SAMD12: variants seen among roughly 807,000 people sequenced by gnomAD.
SAMD12 encodes the protein sterile alpha motif domain containing 12.
In SAMD12, 9 loss-of-function variants were observed where a neutral mutation model predicts 15.0. The ratio of observed to expected loss-of-function variants is 0.60; its 90% CI spans 0.36 to 1.05. The LOEUF (loss-of-function observed/expected upper bound fraction) is 1.05, where lower values mean the gene tolerates loss of function less well. Among genes scored for constraint, SAMD12 ranks in the 50% least tolerant of loss-of-function variants. The probability of loss-of-function intolerance (pLI) is 0.01; values close to 1 mark genes in which losing one functional copy is unlikely to be tolerated. For missense variants in SAMD12, 230 were observed against 234.2 expected (o/e 0.98, Z 0.12); for synonymous variants, 86 against 90.1 (o/e 0.96, Z 0.25).
At chr8:118,294,600 T>TGGTGG (rs766800868) in intron 4 of SAMD12, among the ~76,000 whole-genome samples, 26 of 152,066 alleles carry the variant, frequency 1.7e-4, no homozygotes, top group Non-Finnish European at 3.1e-4. Flanking sequence ...AGGGACTGAG[T>TGGTGG]GGTGGGATAA....
chr8:118,279,738 C>A (rs1198959262), intron 4 of SAMD12, among the ~76,000 whole-genome samples: 1 of 152,156 alleles, frequency 6.6e-6, no homozygotes, highest in African/African-American at 2.4e-5. Flanking sequence ...ATGTTATAAT[C>A]TGGACATGCA....
At chr8:118,578,011 G>A (rs575697827) in intron 2 of SAMD12, among the ~76,000 whole-genome samples, 18 of 152,208 alleles carry the variant, frequency 1.2e-4, no homozygotes, top group South Asian at 6.2e-4. Flanking sequence ...AGTTTTCTCC[G>A]TAATTTTAAC....
intron 2 of SAMD12, among the ~76,000 whole-genome samples, chr8:118,511,046 CT>C (rs1197446243): frequency 2.0e-5 from 3 of 152,126 alleles, no homozygotes; most frequent in African/African-American, 7.2e-5. Flanking sequence ...AAAGAACCTC[CT>C]GGAATTCAAA....
intron 4 of SAMD12, among the ~76,000 whole-genome samples, chr8:118,218,080 GT>G (rs1289094019): frequency 6.6e-6 from 1 of 152,068 alleles, no homozygotes; most frequent in African/African-American, 2.4e-5. Flanking sequence ...CAACACCCAA[GT>G]TGGTCTGTAC....
At chr8:118,452,157 CA>C (rs35286607) in intron 2 of SAMD12, among the ~76,000 whole-genome samples, 29,396 of 152,034 alleles carry the variant, frequency 0.19, 4,010 homozygotes, top group African/African-American at 0.39. Context: ...AATCAAACCA[CA>C]TCGGCACCAT....
intron 4 of SAMD12, among the ~76,000 whole-genome samples, chr8:118,352,669 G>A (rs915966378): frequency 3.3e-5 from 5 of 152,086 alleles, no homozygotes; most frequent in African/African-American, 1.2e-4. Flanking sequence ...AATAATTGAG[G>A]CAATAAAACG....
the SAMD12 span, among the ~76,000 whole-genome samples, chr8:118,132,985 T>C: frequency 4.0e-5 from 2 of 50,366 alleles, no homozygotes; most frequent in African/African-American, 1.5e-4. Context: ...TATATATATA[T>C]ATATATATAT....
At chr8:118,283,685 A>G (rs996747087) in intron 4 of SAMD12, among the ~76,000 whole-genome samples, 3 of 152,226 alleles carry the variant, frequency 2.0e-5, no homozygotes, top group African/African-American at 7.2e-5. Flanking sequence ...AGCCTTCTGT[A>G]AAGAGGAAGG....
intron 2 of SAMD12, among the ~76,000 whole-genome samples, chr8:118,516,702 G>A (rs111241823): frequency 0.015 from 2,203 of 150,638 alleles, 62 homozygotes; most frequent in African/African-American, 0.051. Context: ...GCAGTGGTGC[G>A]ATCTTGGCTC....
chr8:118,452,944 T>A (rs1163813968), intron 2 of SAMD12, among the ~76,000 whole-genome samples: 1 of 152,330 alleles, frequency 6.6e-6, no homozygotes, highest in South Asian at 2.1e-4. Flanking sequence ...GATACCACAA[T>A]GAGAATGATC....
chr8:118,215,017 A>C (rs1482562080), intron 4 of SAMD12, among the ~76,000 whole-genome samples: 2 of 152,244 alleles, frequency 1.3e-5, no homozygotes, highest in Non-Finnish European at 2.9e-5. Flanking sequence ...GCACTATTTA[A>C]AAATCTGAAT....
At chr8:118,222,531 G>A (rs972604495) in intron 4 of SAMD12, among the ~76,000 whole-genome samples, 2 of 152,122 alleles carry the variant, frequency 1.3e-5, no homozygotes, top group Admixed American at 1.3e-4. Context: ...TTGAGATGGA[G>A]TTTTGCTCCT....
the SAMD12 span, among the ~76,000 whole-genome samples, chr8:118,178,284 G>A: frequency 6.6e-6 from 1 of 152,048 alleles, no homozygotes; most frequent in African/African-American, 2.4e-5. Context: ...TTGTTCAATT[G>A]CAAAGGAAAA....
At chr8:118,418,620 G>A (rs1821837046) in intron 3 of SAMD12, among the ~76,000 whole-genome samples, 1 of 152,056 alleles carries the variant, frequency 6.6e-6, no homozygotes, top group South Asian at 2.1e-4. Context: ...TCGGGAGGCT[G>A]AGGCAGGAGA....
At chr8:118,309,380 A>ATATGTG (rs1554628153) in intron 4 of SAMD12, among the ~76,000 whole-genome samples, 2 of 143,896 alleles carry the variant, frequency 1.4e-5, no homozygotes, top group Non-Finnish European at 3.0e-5. Flanking sequence ...TGAGATATAT[A>ATATGTG]TGTGTGTGTG....
intron 2 of SAMD12, among the ~76,000 whole-genome samples, chr8:118,515,184 A>AT (rs1323934399): frequency 2.0e-5 from 1 of 49,986 alleles, no homozygotes; most frequent in African/African-American, 1.3e-4. Context: ...ACGCCCAGCT[A>AT]ATTTTTTTTT....
intron 3 of SAMD12, among the ~76,000 whole-genome samples, chr8:118,428,611 A>G (rs1412102114): frequency 1.3e-5 from 2 of 152,144 alleles, no homozygotes; most frequent in Non-Finnish European, 2.9e-5. Flanking sequence ...TGTTGTGTAT[A>G]GTGTGATGCA....
intron 4 of SAMD12, among the ~76,000 whole-genome samples, chr8:118,358,657 C>T (rs570705129): frequency 6.6e-6 from 1 of 152,284 alleles, no homozygotes; most frequent in East Asian, 1.9e-4. Context: ...AGTTTTAGCA[C>T]TATCCCCTGC....
chr8:118,209,193 A>T (rs755197613), intron 4 of SAMD12, among the ~76,000 whole-genome samples: 2 of 152,184 alleles, frequency 1.3e-5, no homozygotes, highest in Non-Finnish European at 2.9e-5. Flanking sequence ...CACAGAGGGA[A>T]ATGCAAACAT....
Sources: gnomAD v4.1 joint callset for allele counts (sites outside exome capture counted in the v4.1 genomes callset) on GRCh38, gnomAD v4.1.1 for gene constraint, MANE v1.5 for transcripts, NCBI Gene and HGNC (gene_info 2026-07-23, HGNC 2026-07-21) for gene names.